The following LYPD6B variants were observed in gnomAD, a reference collection of about 807,000 sequenced individuals.
LYPD6B encodes ly6/PLAUR domain-containing protein 6B.
LYPD6B carries 17 observed loss-of-function variants against 22.8 expected under a neutral mutation model. The ratio of observed to expected loss-of-function variants is 0.75; its 90% CI spans 0.51 to 1.12. The LOEUF (loss-of-function observed/expected upper bound fraction) is 1.12, where lower values mean the gene tolerates loss of function less well. LYPD6B is among the 50% of genes most tolerant of loss of function. The probability of loss-of-function intolerance (pLI) is 0.00; values close to 1 mark genes in which losing one functional copy is unlikely to be tolerated. For missense variants in LYPD6B, 221 were observed against 258.3 expected, an observed-to-expected ratio of 0.86 and a Z score of 0.99; for synonymous variants, 106 against 91.6, an observed-to-expected ratio of 1.16 and a Z score of -0.90.
chr2:149,156,052 A>G lies in LYPD6B; in HGVS notation c.6-4712A>G, dbSNP rs370829633. 3.0e-4 allele frequency among the ~76,000 whole-genome samples: 46 copies of G among 152,328 alleles called. 2 individuals are homozygous for G. Among genetic ancestry groups the G allele is most frequent in the African/African-American group, 1.1e-3 (45 of 41,586 alleles). On this transcript the variant is annotated intron_variant, in intron 2 of 6. Coordinates refer to ENST00000409642, the MANE Select transcript of LYPD6B (RefSeq NM_177964.5). ...AGAGGAAATTGTGATTGGTTAAGGCATCTGAGCCAGCCTGGGTGTCAAGTA... is the reference window on the plus strand; with the variant it reads ...AGAGGAAATTGTGATTGGTTAAGGCGTCTGAGCCAGCCTGGGTGTCAAGTA...
chr2:149,155,852 G>A (rs1575078858), intron 2 of LYPD6B, among the ~76,000 whole-genome samples: 1 of 152,192 alleles, frequency 6.6e-6, no homozygotes, highest in African/African-American at 2.4e-5. Context: ...CACTAACAAA[G>A]GACATCAATC....
intron 1 of LYPD6B, among the ~76,000 whole-genome samples, chr2:149,090,196 A>G (rs1685586385): frequency 6.6e-6 from 1 of 152,236 alleles, no homozygotes; most frequent in Non-Finnish European, 1.5e-5. Flanking sequence ...TCCTTAAGAA[A>G]GACTTTGTAT....
At chr2:149,208,536 T>G (rs1019773477) in intron 5 of LYPD6B, 124 bp downstream of exon 5, 4 of 711,594 alleles carry the variant, frequency 5.6e-6, no homozygotes, top group South Asian at 2.2e-5. Flanking sequence ...CAGACTATAT[T>G]GAGAGTTCTT....
chr2:149,175,023 ATCTCTCTCTCTCTC>A (rs142556922), intron 3 of LYPD6B, among the ~76,000 whole-genome samples: 2 of 125,840 alleles, frequency 1.6e-5, no homozygotes, highest in South Asian at 3.1e-4. Context: ...AATCTCTTTA[ATCTCTCTCTCTCTC>A]TCTCTCTCTC....
rs1575099488 is a variant in LYPD6B, at chr2:149,166,266, C to A, written c.77+5431C>A. 4.6e-5 allele frequency among the ~76,000 whole-genome samples: 7 copies of A among 152,182 alleles called. No individual in the cohort carries two copies. The South Asian group carries it at 1.5e-3, about 32-fold the overall frequency. On this transcript the variant is annotated intron_variant, in intron 3 of 6. Transcript: ENST00000409642. ...TTTTTAATCTAGGGTTTGTTGAACT[C>A]AATTAAGTCCAGTGTCCAGGTAGAA...
intron 1 of LYPD6B, among the ~76,000 whole-genome samples, chr2:149,124,645 A>C (rs1295932061): frequency 6.6e-6 from 1 of 152,210 alleles, no homozygotes; most frequent in East Asian, 1.9e-4. Context: ...AATGGAGTTC[A>C]TCAGAAATAG....
intron 2 of LYPD6B, among the ~76,000 whole-genome samples, chr2:149,155,119 G>C (rs952796060): frequency 1.3e-5 from 2 of 152,132 alleles, no homozygotes. Flanking sequence ...TTACCTCTTT[G>C]CTTGAGGCAT....
intron 3 of LYPD6B, among the ~76,000 whole-genome samples, chr2:149,189,904 A>C (rs559185230): frequency 1.7e-3 from 259 of 152,296 alleles, no homozygotes; most frequent in African/African-American, 5.8e-3. Context: ...TGAATTTTTC[A>C]AGTCATTGGT....
rs115455683 is a variant in LYPD6B, at chr2:149,115,240, A to G, written c.-66-15643A>G. On this transcript the variant is annotated intron_variant, in intron 1 of 6. Transcript: ENST00000409642. ...AGGTGTGAGCCACCATGCCCAGCCT[A>G]CAGTGATTTAAATAAATATTACCAC... is the stretch of plus-strand genomic sequence containing the variant. 4.4e-3 allele frequency among the ~76,000 whole-genome samples: 674 copies of G among 152,312 alleles called. 3 individuals are homozygous for G. The highest frequency in any genetic ancestry group is 0.015 in the African/African-American group (635 of 41,572).
At chr2:149,190,237 A>G (rs1270257501) in intron 3 of LYPD6B, among the ~76,000 whole-genome samples, 1 of 152,178 alleles carries the variant, frequency 6.6e-6, no homozygotes, top group Non-Finnish European at 1.5e-5. Flanking sequence ...ATATGAGGTA[A>G]CATTGGTAAC....
intron 1 of LYPD6B, among the ~76,000 whole-genome samples, chr2:149,124,069 C>T (rs1687544090): frequency 6.6e-6 from 1 of 152,192 alleles, no homozygotes; most frequent in Non-Finnish European, 1.5e-5. Flanking sequence ...GCCATTCTTC[C>T]TATTTTTACT....
At chr2:149,076,014 G>A (rs1319921654) in intron 1 of LYPD6B, among the ~76,000 whole-genome samples, 1 of 152,198 alleles carries the variant, frequency 6.6e-6, no homozygotes, top group Non-Finnish European at 1.5e-5. Flanking sequence ...CTAGGAGAGA[G>A]GGAGGATCCA....
At chr2:149,045,277 A>T (rs1351189063) in intron 1 of LYPD6B, among the ~76,000 whole-genome samples, 1 of 151,808 alleles carries the variant, frequency 6.6e-6, no homozygotes, top group Non-Finnish European at 1.5e-5. Flanking sequence ...TCCCTCTTTT[A>T]TTCTTGACAT....
chr2:149,039,145 A>G (rs986663345), intron 1 of LYPD6B, among the ~76,000 whole-genome samples: 6 of 152,100 alleles, frequency 3.9e-5, no homozygotes, highest in Non-Finnish European at 8.8e-5. Flanking sequence ...GAGAGGAGAT[A>G]CTGGGGGTCA....
At chr2:149,205,436 G>A in intron 4 of LYPD6B, 32 bp downstream of exon 4, 1 of 1,608,586 alleles carries the variant, frequency 6.2e-7, no homozygotes, top group Non-Finnish European at 8.5e-7. Flanking sequence ...CCTAGTTCAT[G>A]GCTGTGGGGC....
chr2:149,211,567 T>G (rs778330165), intron 5 of LYPD6B, among the ~76,000 whole-genome samples: 3 of 152,062 alleles, frequency 2.0e-5, no homozygotes, highest in Non-Finnish European at 2.9e-5. Context: ...TGCTACTGTT[T>G]GTATTATGTA....
At chr2:149,092,322 G>A (rs1314718061) in intron 1 of LYPD6B, among the ~76,000 whole-genome samples, 1 of 152,134 alleles carries the variant, frequency 6.6e-6, no homozygotes, top group Non-Finnish European at 1.5e-5. Context: ...CAGGGGTGCT[G>A]AGTAGGCTCT....
chr2:149,044,401 T>A (rs1272492863), intron 1 of LYPD6B, among the ~76,000 whole-genome samples: 1 of 152,088 alleles, frequency 6.6e-6, no homozygotes, highest in East Asian at 1.9e-4. Flanking sequence ...TGCTGGTATA[T>A]AGAAATAGAA....
intron 3 of LYPD6B, among the ~76,000 whole-genome samples, chr2:149,175,059 C>CTGTG (rs1281402106): frequency 3.9e-4 from 45 of 116,272 alleles, no homozygotes; most frequent in East Asian, 1.9e-3. Context: ...CTCTCTCTCT[C>CTGTG]TCTGTGTGTG....
Sources: gnomAD v4.1 joint callset for allele counts (sites outside exome capture counted in the v4.1 genomes callset) on GRCh38, gnomAD v4.1.1 for gene constraint, MANE v1.5 for transcripts, NCBI Gene and HGNC (gene_info 2026-07-23, HGNC 2026-07-21) for gene names.